TPCN1: variants seen among roughly 807,000 people sequenced by gnomAD.
TPCN1 encodes the protein two pore channel protein 1.
A neutral mutation model predicts 108.8 loss-of-function variants in TPCN1; 52 were observed. That is an observed-to-expected ratio of 0.48 (90% CI 0.38 to 0.60). The LOEUF (loss-of-function observed/expected upper bound fraction) is 0.60, where lower values mean the gene tolerates loss of function less well. TPCN1 is among the 20% of genes least tolerant of loss of function. The pLI is 0.00. For missense variants in TPCN1, 806 were observed against 1,072.8 expected (o/e 0.75, Z 3.47); for synonymous variants, 446 against 433.7 (o/e 1.03, Z -0.35).
intron 2 of TPCN1, among the ~76,000 whole-genome samples, chr12:113,256,600 G>C (rs181961188): frequency 2.6e-5 from 4 of 152,236 alleles, no homozygotes; most frequent in African/African-American, 9.6e-5. Context: ...TGTTGTCCAG[G>C]CTGGCTTGAA....
rs547012505 is a variant in TPCN1 at position 113,292,788 on chromosome 12, A to G, written c.2114-146A>G. The G allele has an allele frequency of 2.9e-5, 27 of 917,582 alleles. No individual in the cohort carries two copies. The East Asian group carries it at 6.8e-4, about 23-fold the overall frequency. 56.8% of individuals were successfully genotyped at this position (917,582 alleles called of 1,614,324 possible). Reference sequence around the variant, plus strand: ...GGGAGGGGAAGGGAAAGGAGGGCCAACGAGGAGAGCAGGACACCAATGCAG... The same window carrying G: ...GGGAGGGGAAGGGAAAGGAGGGCCAGCGAGGAGAGCAGGACACCAATGCAG... On this transcript the variant is annotated intron_variant, in intron 25 of 27. Transcript: ENST00000335509.
rs1262228914 is a variant in TPCN1 at position 113,296,010 on chromosome 12, C to T, written c.2385C>T (p.Ser795=). ...AREQEQQRQL[S]SSAAPAAQQP... Reference sequence around the variant, plus strand: ...AGCAAGAGCAGCAGCGACAACTCAGCAGCAGTGCAGCCCCCGCCGCCCAGC... The same window carrying T: ...AGCAAGAGCAGCAGCGACAACTCAGTAGCAGTGCAGCCCCCGCCGCCCAGC... Residue 795 remains serine (S), a synonymous_variant, in exon 28 of 28, where the codon AGC becomes AGT. Coordinates refer to ENST00000335509, the MANE Select transcript of TPCN1 (RefSeq NM_017901.6). The T allele has an allele frequency of 6.2e-7, 1 of 1,612,950 alleles. No individual in the cohort carries two copies. Among genetic ancestry groups the T allele is most frequent in the Admixed American group, 1.7e-5 (1 of 59,948 alleles).
intron 27 of TPCN1, among the ~76,000 whole-genome samples, chr12:113,293,776 C>G (rs963126184): frequency 6.6e-6 from 1 of 152,224 alleles, no homozygotes; most frequent in Non-Finnish European, 1.5e-5. Context: ...AAAGGGGACA[C>G]AGCCTCCTCC....
At chr12:113,293,647 A>G (rs892268156) in intron 27 of TPCN1, among the ~76,000 whole-genome samples, 7 of 152,138 alleles carry the variant, frequency 4.6e-5, no homozygotes, top group African/African-American at 1.7e-4. Context: ...TGCAAACTCA[A>G]ACATGTGTAC....
chr12:113,283,830 C>CA (rs1475386264), intron 15 of TPCN1, among the ~76,000 whole-genome samples: 1 of 152,094 alleles, frequency 6.6e-6, no homozygotes, highest in Non-Finnish European at 1.5e-5. Context: ...CACACTACCA[C>CA]ACCTGGCTAG....
Position 113,234,234 on chromosome 12 carries a change from A to T in TPCN1, c.112+7270A>T, listed in dbSNP as rs551491190. On this transcript the variant is annotated intron_variant, in intron 2 of 27. Transcript: ENST00000335509. ...TCTGTGGAAACTAGGCTTTTCCCCC[A>T]TGCACGCCTTTTCCTGATTCTTCCT... 5.3e-5 allele frequency among the ~76,000 whole-genome samples: 8 copies of T among 152,266 alleles called. No homozygotes were observed. The East Asian group carries it at 1.5e-3, about 29-fold the overall frequency.
At chr12:113,238,707 G>T (rs1371871238) in intron 2 of TPCN1, among the ~76,000 whole-genome samples, 1 of 152,152 alleles carries the variant, frequency 6.6e-6, no homozygotes, top group African/African-American at 2.4e-5. Context: ...CTCTTTCTCT[G>T]CTCTTCACGG....
At chr12:113,258,092 C>T (rs1001860653) in intron 2 of TPCN1, among the ~76,000 whole-genome samples, 3 of 152,076 alleles carry the variant, frequency 2.0e-5, no homozygotes, top group South Asian at 2.1e-4. Flanking sequence ...CAGATATGCA[C>T]GTAGGTCAAA....
At chr12:113,264,966 C>G (rs1156714976) in intron 3 of TPCN1, among the ~76,000 whole-genome samples, 1 of 152,024 alleles carries the variant, frequency 6.6e-6, no homozygotes, top group Non-Finnish European at 1.5e-5. Context: ...GCTGGGACTA[C>G]AGGCGCATGC....
Position 113,291,684 on chromosome 12 carries a change from C to T in TPCN1, c.2028+7C>T, listed in dbSNP as rs1391568638. ...CTTTTACATTGTGACCATGGTAGGT[C>T]CCGGACCACAGAACGCTCTTTGTCC... is the stretch of plus-strand genomic sequence containing the variant. On this transcript the variant is annotated splice_region_variant and intron_variant, in intron 24 of 27. Transcript: ENST00000335509. The T allele has an allele frequency of 6.2e-7, 1 of 1,613,278 alleles. No homozygotes were observed. The highest frequency in any genetic ancestry group is 1.3e-5 in the African/African-American group (1 of 74,924).
At position 113,226,978 on chromosome 12, in the gene TPCN1, G is replaced by A. The variant is rs200104246; in HGVS notation, c.112+14G>A. 8.4e-5 allele frequency: 135 copies of A among 1,604,308 alleles called. No homozygotes were observed. In the East Asian group the frequency reaches 2.3e-3, roughly 27 times the overall value. Reference sequence around the variant, plus strand: ...TACCTAGCAAAAGTAAGATGGTGGGGTGGGCTGGGGGGACCCCAGCTTTTC... The same window carrying A: ...TACCTAGCAAAAGTAAGATGGTGGGATGGGCTGGGGGGACCCCAGCTTTTC... On this transcript the variant is annotated intron_variant, in intron 2 of 27. Transcript: ENST00000335509.
At chr12:113,270,766 A>T (rs2136638980) in intron 7 of TPCN1, among the ~76,000 whole-genome samples, 1 of 152,120 alleles carries the variant, frequency 6.6e-6, no homozygotes, top group East Asian at 1.9e-4. Flanking sequence ...GGCGTGGGCC[A>T]CCGCGCCCGG....
intron 4 of TPCN1, 68 bp from the exon 5 acceptor site, chr12:113,267,775 G>T: frequency 3.7e-6 from 4 of 1,083,544 alleles, no homozygotes; most frequent in Non-Finnish European, 5.7e-6. Context: ...GTCCTGGGAG[G>T]GTTGGGCAAA....
At chr12:113,230,156 G>A (rs1371442348) in intron 2 of TPCN1, among the ~76,000 whole-genome samples, 1 of 152,032 alleles carries the variant, frequency 6.6e-6, no homozygotes, top group Non-Finnish European at 1.5e-5. Context: ...TCCTGACAGA[G>A]CTAATTACTC....
At chr12:113,227,015 C>G (rs770166925) in intron 2 of TPCN1, 51 bp downstream of exon 2, 11 of 1,505,364 alleles carry the variant, frequency 7.3e-6, no homozygotes, top group Admixed American at 5.8e-5. Context: ...GTTTCAGAGG[C>G]TGAGAGGTGA....
intron 2 of TPCN1, among the ~76,000 whole-genome samples, chr12:113,235,912 C>G (rs1324667313): frequency 1.3e-5 from 2 of 152,062 alleles, no homozygotes; most frequent in Admixed American, 1.3e-4. Context: ...GTGAAAGATT[C>G]TCCCAGAAGA....
Position 113,292,981 on chromosome 12 carries a change from G to A in TPCN1, c.2161G>A (p.Val721Ile), listed in dbSNP as rs779635026. 1 of 1,613,340 alleles carries A rather than the reference G, an allele frequency of 6.2e-7. No individual in the cohort carries two copies. Among genetic ancestry groups the A allele is most frequent in the Non-Finnish European group, 8.5e-7 (1 of 1,180,018 alleles). Residue 721 changes from valine (V) to isoleucine (I), a missense_variant, in exon 26 of 28, where the codon GTT becomes ATT. Coordinates refer to ENST00000335509, the MANE Select transcript of TPCN1 (RefSeq NM_017901.6). ...GAAGGAAATCTCCAAAGAAGAGCTG[G>A]TTGCCGTCCTGGAGCTCTACCGGGA... ...LEKEISKEEL[V>I]AVLELYREAR...
chr12:113,244,661 C>T (rs1372688671), intron 2 of TPCN1: 2 of 985,316 alleles, frequency 2.0e-6, no homozygotes, highest in Admixed American at 6.1e-5. Context: ...GTGTGGGGCT[C>T]TCAGTGACAA....
intron 2 of TPCN1, among the ~76,000 whole-genome samples, chr12:113,242,767 A>T (rs533485767): frequency 1.2e-4 from 19 of 152,116 alleles, no homozygotes; most frequent in African/African-American, 4.6e-4. Context: ...CCCCATCCCC[A>T]TCCACCCTGT....
Sources: allele counts gnomAD v4.1 joint callset (sites outside exome capture counted in the v4.1 genomes callset), GRCh38; gene constraint gnomAD v4.1.1; transcripts MANE v1.5; gene names NCBI Gene and HGNC (gene_info 2026-07-23, HGNC 2026-07-21).